The following SPIN1 variants were observed in gnomAD, a reference collection of about 807,000 sequenced individuals.
The protein encoded by SPIN1 is spindlin-1.
SPIN1 carries 3 observed loss-of-function variants against 26.0 expected under a neutral mutation model. The ratio of observed to expected loss-of-function variants is 0.12; its 90% CI spans 0.05 to 0.30. The LOEUF is 0.30. Ranked by LOEUF, SPIN1 falls within the 10% of genes least tolerant of loss-of-function variation. The probability of loss-of-function intolerance (pLI) is 1.00; values close to 1 mark genes in which losing one functional copy is unlikely to be tolerated. For missense variants in SPIN1, 126 were observed against 333.4 expected, an observed-to-expected ratio of 0.38 and a Z score of 4.84; for synonymous variants, 101 against 116.5, an observed-to-expected ratio of 0.87 and a Z score of 0.86.
intron 5 of SPIN1, among the ~76,000 whole-genome samples, chr9:88,469,052 C>G (rs905372135): frequency 4.6e-5 from 7 of 152,206 alleles, no homozygotes; most frequent in African/African-American, 1.7e-4. Flanking sequence ...AACTTCAGAG[C>G]AGCGATCTTC....
intron 2 of SPIN1, among the ~76,000 whole-genome samples, chr9:88,443,847 C>T (rs889473477): frequency 6.6e-6 from 1 of 152,108 alleles, no homozygotes; most frequent in Admixed American, 6.5e-5. Context: ...TGATCAACTT[C>T]CCCGGCTTGT....
intron 5 of SPIN1, among the ~76,000 whole-genome samples, chr9:88,473,359 C>G (rs1023711346): frequency 6.9e-6 from 1 of 144,404 alleles, no homozygotes; most frequent in African/African-American, 2.9e-5. Context: ...CACCACTGCA[C>G]TCCAGCCTGG....
chr9:88,445,539 A>ATTAT (rs1828232600), intron 2 of SPIN1, among the ~76,000 whole-genome samples: 1 of 146,082 alleles, frequency 6.8e-6, no homozygotes. Flanking sequence ...TATTATTATT[A>ATTAT]TTATTATTAT....
intron 2 of SPIN1, among the ~76,000 whole-genome samples, chr9:88,443,037 T>A (rs1393545227): frequency 6.6e-6 from 1 of 151,340 alleles, no homozygotes; most frequent in African/African-American, 2.4e-5. Context: ...GGCGAATCGC[T>A]TGAACCTGGG....
intron 4 of SPIN1, among the ~76,000 whole-genome samples, chr9:88,466,474 A>G (rs748837634): frequency 1.4e-4 from 22 of 152,172 alleles, no homozygotes; most frequent in Non-Finnish European, 2.8e-4. Context: ...TTAAGAATGC[A>G]CATGGAGTTC....
chr9:88,443,219 G>T (rs1460276118), intron 2 of SPIN1, among the ~76,000 whole-genome samples: 3 of 150,684 alleles, frequency 2.0e-5, no homozygotes, highest in Non-Finnish European at 4.4e-5. Context: ...TGTAAGTTAT[G>T]CCTTTTGTAC....
In SPIN1 at chr9:88,388,786, C is replaced by T. The variant is rs1219567419; in HGVS notation, c.-159+248C>T. On this transcript the variant is annotated intron_variant, in intron 1 of 5. Transcript: ENST00000375859. ...GTTCGCCGGCCCCTACTCCTCCGTG[C>T]CCCCATCCCCGCCGCCCCCCGCCAA... is the stretch of plus-strand genomic sequence containing the variant. Among the ~76,000 whole-genome samples, 6 of 150,220 alleles carry T rather than the reference C, an allele frequency of 4.0e-5. No homozygotes were observed. In the South Asian group the frequency reaches 1.0e-3, roughly 26 times the overall value.
At chr9:88,458,502 A>T (rs1490848626) in intron 3 of SPIN1, among the ~76,000 whole-genome samples, 1 of 152,134 alleles carries the variant, frequency 6.6e-6, no homozygotes, top group Non-Finnish European at 1.5e-5. Context: ...TTATTTTGAA[A>T]TGTGATTCTA....
At chr9:88,451,649 C>T (rs1828355333) in intron 3 of SPIN1, among the ~76,000 whole-genome samples, 1 of 152,210 alleles carries the variant, frequency 6.6e-6, no homozygotes, top group Non-Finnish European at 1.5e-5. Flanking sequence ...CAACCTCCAC[C>T]TCCTGGGTTC....
chr9:88,446,686 G>C (rs1260543474), intron 2 of SPIN1, among the ~76,000 whole-genome samples: 1 of 152,148 alleles, frequency 6.6e-6, no homozygotes, highest in African/African-American at 2.4e-5. Context: ...GGGATTACAG[G>C]CGTGAGCCAC....
chr9:88,455,495 AATACTT>A (rs1828452969), intron 3 of SPIN1, among the ~76,000 whole-genome samples: 2 of 152,228 alleles, frequency 1.3e-5, no homozygotes, highest in African/African-American at 4.8e-5. Context: ...GCAAAAGTGA[AATACTT>A]AAGTTGTAGA....
At position 88,471,018 on chromosome 9, in the gene SPIN1, G is replaced by GTCTTGT. The variant is rs1828772420; in HGVS notation, c.589+2413_589+2414insTCTTGT. Among the ~76,000 whole-genome samples, 107 of 152,256 alleles carry GTCTTGT rather than the reference G, an allele frequency of 7.0e-4. 1 individual carries two copies. In the South Asian group the frequency reaches 0.022, roughly 31 times the overall value. Reference sequence around the variant, plus strand: ...TTTTTTAAATACAAGACCTTTATCAGATATATGTTGCAAATGTTTTCTCCT... The same window carrying GTCTTGT: ...TTTTTTAAATACAAGACCTTTATCAGTCTTGTATATATGTTGCAAATGTTTTCTCCT... On this transcript the variant is annotated intron_variant, in intron 5 of 5. Coordinates refer to ENST00000375859, the MANE Select transcript of SPIN1 (RefSeq NM_006717.3).
chr9:88,475,950 C>G lies in SPIN1; in HGVS notation c.*673C>G, dbSNP rs918627040. 1.3e-5 allele frequency: 2 copies of G among 152,060 alleles called. No individual in the cohort carries two copies. The highest frequency in any genetic ancestry group is 2.9e-5 in the Non-Finnish European group (2 of 68,022). The allele number at this position is 152,060 out of a possible 1,614,324, so 9.4% of individuals were successfully genotyped here. On this transcript the variant is annotated 3_prime_UTR_variant, in exon 6 of 6. Transcript: ENST00000375859. ...AAATCAGAAGTTCAGAGCACCTTTT[C>G]AATCTGGAGCCCTTAAACCATAAGT...
chr9:88,396,382 A>G (rs1827058742), intron 1 of SPIN1, among the ~76,000 whole-genome samples: 1 of 151,928 alleles, frequency 6.6e-6, no homozygotes, highest in African/African-American at 2.4e-5. Flanking sequence ...TGGGCGGATT[A>G]CCTGAAGCTG....
chr9:88,437,886 G>A (rs910542828), intron 2 of SPIN1, among the ~76,000 whole-genome samples: 2 of 152,090 alleles, frequency 1.3e-5, no homozygotes, highest in African/African-American at 4.8e-5. Context: ...TTATCTGGGC[G>A]TGGTGGCTCA....
Position 88,441,411 on chromosome 9 carries a change from G to T in SPIN1, c.53-7530G>T, listed in dbSNP as rs529770955. ...ATTGCTGCCATTCGTGTGTGTGTGT[G>T]TGTGCGCGCGCGCGCGCCCATGTGT... On this transcript the variant is annotated intron_variant, in intron 2 of 5. Coordinates refer to ENST00000375859, the MANE Select transcript of SPIN1 (RefSeq NM_006717.3). Among the ~76,000 whole-genome samples the T allele has an allele frequency of 3.5e-3, 508 of 146,904 alleles. 16 individuals are homozygous for T. The highest frequency in any genetic ancestry group is 0.013 in the African/African-American group (471 of 37,584).
intron 4 of SPIN1, among the ~76,000 whole-genome samples, chr9:88,463,174 T>TG (rs1314620459): frequency 6.6e-6 from 1 of 152,210 alleles, no homozygotes; most frequent in Non-Finnish European, 1.5e-5. Context: ...AATTGTACTT[T>TG]GAGCCAAAAT....
rs1482093786 is a variant in SPIN1, at chr9:88,470,603, T to C, written c.589+1998T>C. Among the ~76,000 whole-genome samples, 16 of 83,486 alleles carry C rather than the reference T, an allele frequency of 1.9e-4. No individual in the cohort carries two copies. In the African/African-American group the frequency reaches 4.6e-3, roughly 24 times the overall value. 54.8% of individuals were successfully genotyped at this position (83,486 alleles called of 152,430 possible). A position where few individuals can be genotyped will look rare whatever the true frequency, so the allele number is the denominator to read the frequency against. On this transcript the variant is annotated intron_variant, in intron 5 of 5. Transcript: ENST00000375859. ...TCATATGCTTATTGGCCCCCCCCCT[T>C]TTTTTTTTTGAGACAGAGTCTTGCT... is the stretch of plus-strand genomic sequence containing the variant.
intron 2 of SPIN1, among the ~76,000 whole-genome samples, chr9:88,438,133 A>G (rs1391099401): frequency 6.6e-6 from 1 of 152,032 alleles, no homozygotes; most frequent in African/African-American, 2.4e-5. Flanking sequence ...CCTGGGCCAC[A>G]GAGCAAGACC....
Sources: gnomAD v4.1 joint callset for allele counts (sites outside exome capture counted in the v4.1 genomes callset) on GRCh38, gnomAD v4.1.1 for gene constraint, MANE v1.5 for transcripts, NCBI Gene and HGNC (gene_info 2026-07-23, HGNC 2026-07-21) for gene names.